SEC14L5: variants seen among roughly 807,000 people sequenced by gnomAD.
The protein encoded by SEC14L5 is SEC14 like lipid binding 5.
Under a neutral mutation model 84.6 loss-of-function variants are expected in SEC14L5, and 96 were observed. The ratio of observed to expected loss-of-function variants is 1.13; its 90% CI spans 0.96 to 1.34. The LOEUF (loss-of-function observed/expected upper bound fraction) is 1.34. SEC14L5 is among the 40% of genes most tolerant of loss of function. The probability of loss-of-function intolerance (pLI) is 0.00; values close to 1 mark genes in which losing one functional copy is unlikely to be tolerated. For synonymous variants in SEC14L5, 546 were observed against 383.4 expected, an observed-to-expected ratio of 1.42 and a Z score of -4.95; for missense variants, 1,224 against 942.5, an observed-to-expected ratio of 1.30 and a Z score of -3.91.
chr16:5,007,605 T>TA, intron 13 of SEC14L5, 119 bp downstream of exon 13: 12 of 807,534 alleles, frequency 1.5e-5, no homozygotes, highest in Non-Finnish European at 2.2e-5. Context: ...TTTCTTTCTT[T>TA]CTTTTTTTTT....
intron 6 of SEC14L5, among the ~76,000 whole-genome samples, chr16:4,992,279 C>A (rs1955561471): frequency 6.6e-6 from 1 of 152,182 alleles, no homozygotes; most frequent in South Asian, 2.1e-4. Context: ...GAGACGGAGT[C>A]CCCCTATGTC....
chr16:4,984,010 T>G (rs1054267179), intron 2 of SEC14L5, among the ~76,000 whole-genome samples: 4 of 152,152 alleles, frequency 2.6e-5, no homozygotes, highest in African/African-American at 9.7e-5. Flanking sequence ...AAGAAACAGT[T>G]TTATTGAGAT....
At chr16:5,004,920 C>G (rs761193085) in intron 11 of SEC14L5, among the ~76,000 whole-genome samples, 1 of 152,232 alleles carries the variant, frequency 6.6e-6, no homozygotes, top group Non-Finnish European at 1.5e-5. Context: ...GAAGGAAGCA[C>G]TGATCCTCCA....
chr16:4,983,258 C>T (rs1213239882), intron 2 of SEC14L5, among the ~76,000 whole-genome samples: 1 of 151,946 alleles, frequency 6.6e-6, no homozygotes, highest in African/African-American at 2.4e-5. Context: ...AAATGATCTG[C>T]CTGCCTTGGC....
At chr16:4,970,811 C>A (rs372131297) in intron 2 of SEC14L5, among the ~76,000 whole-genome samples, 1 of 152,180 alleles carries the variant, frequency 6.6e-6, no homozygotes, top group Non-Finnish European at 1.5e-5. Context: ...AAGTAGGAAC[C>A]AGTAAGAACT....
intron 4 of SEC14L5, among the ~76,000 whole-genome samples, chr16:4,989,298 G>GT (rs35333505): frequency 0.11 from 14,950 of 141,822 alleles, 1,009 homozygotes; most frequent in Middle Eastern, 0.17. Context: ...CATTGTACGT[G>GT]TTTTTTTTTT....
Position 4,958,377 on chromosome 16 carries a change from TG to T in SEC14L5, c.-119del, listed in dbSNP as rs1955076614. ...TCCCGCCCCTCCGGCCTTCCACAGCTGTCCTGGCCGCAGGGTGTTCAAGGCG... is the reference window on the plus strand; with the variant it reads ...TCCCGCCCCTCCGGCCTTCCACAGCTTCCTGGCCGCAGGGTGTTCAAGGCG... On this transcript the variant is annotated 5_prime_UTR_variant, in exon 1 of 16. Transcript: ENST00000251170. 1 of 152,648 alleles carries T rather than the reference TG, an allele frequency of 6.6e-6. No homozygotes were observed. The highest frequency in any genetic ancestry group is 2.1e-4 in the South Asian group (1 of 4,838). 9.5% of individuals were successfully genotyped at this position (152,648 alleles called of 1,614,324 possible).
Position 4,991,934 on chromosome 16 carries a change from GC to G in SEC14L5, c.574del (p.Arg192AlafsTer55). The G allele has an allele frequency of 6.2e-7, 1 of 1,604,072 alleles. No homozygotes were observed. ...GCCTGCCCCAGTCCGTGAGGAGGATGCCCGCAACCAGGCTGGACCGAGGGAC... is the reference window on the plus strand; with the variant it reads ...GCCTGCCCCAGTCCGTGAGGAGGATGCCGCAACCAGGCTGGACCGAGGGAC... ...WTPAPVREED[A>X]RNQAGPRDPS... On this transcript the variant is annotated frameshift_variant, in exon 6 of 16. Coordinates refer to ENST00000251170, the MANE Select transcript of SEC14L5 (RefSeq NM_014692.2). LOFTEE classifies it high-confidence loss of function.
chr16:4,996,993 C>A lies in SEC14L5; in HGVS notation c.919C>A (p.Pro307Thr), dbSNP rs199521340. The A allele has an allele frequency of 9.7e-5, 157 of 1,613,380 alleles. No homozygotes were observed. The highest frequency in any genetic ancestry group is 3.1e-4 in the East Asian group (14 of 44,856). Residue 307 changes from proline (P) to threonine (T), a missense_variant, in exon 8 of 16, where the codon CCT (proline) becomes ACT (threonine). Pro to Thr is a conservative substitution (Grantham distance 38). Coordinates refer to ENST00000251170, the MANE Select transcript of SEC14L5 (RefSeq NM_014692.2). ...TCTCCTCCTTCAGACCTGGCAACCC[C>A]CTGCCCTGCTGGAGGAGTTCTATGC... ...VDLLLQTWQP[P>T]ALLEEFYAGG...
In SEC14L5 at chr16:4,996,412, C is replaced by T; in HGVS notation, c.732C>T (p.Ser244=). 1.9e-6 allele frequency: 3 copies of T among 1,574,390 alleles called. No individual in the cohort carries two copies. The highest frequency in any genetic ancestry group is 2.6e-6 in the Non-Finnish European group (3 of 1,160,820). ...CLGHLTPMQE[S]CLIQLRHWLQ... Reference sequence around the variant, plus strand: ...GCCACCTCACGCCCATGCAGGAGAGCTGCCTGATCCAGCTTCGGCACTGGT... The same window carrying T: ...GCCACCTCACGCCCATGCAGGAGAGTTGCCTGATCCAGCTTCGGCACTGGT... Residue 244 remains serine, a synonymous_variant, in exon 7 of 16, where the codon AGC becomes AGT. Coordinates refer to ENST00000251170, the MANE Select transcript of SEC14L5 (RefSeq NM_014692.2).
rs767169834 is a variant in SEC14L5, at chr16:4,990,749, C to T, written c.346-18C>T. The T allele has an allele frequency of 9.4e-6, 15 of 1,599,490 alleles. No homozygotes were observed. In the Admixed American group the frequency reaches 2.2e-4, roughly 24 times the overall value. ...CCCCGACATTGAGTCCCTGGCATGA[C>T]CCCTGCCTGGCTTTCAGGTCCACCC... On this transcript the variant is annotated intron_variant, in intron 4 of 15. Coordinates refer to ENST00000251170, the MANE Select transcript of SEC14L5 (RefSeq NM_014692.2).
At chr16:4,976,730 C>A (rs1334447250) in intron 2 of SEC14L5, among the ~76,000 whole-genome samples, 2 of 152,216 alleles carry the variant, frequency 1.3e-5, no homozygotes, top group African/African-American at 4.8e-5. Context: ...GGGCTTTGGA[C>A]CATCTCCTTT....
intron 13 of SEC14L5, among the ~76,000 whole-genome samples, chr16:5,008,065 G>T (rs182121877): frequency 6.6e-6 from 1 of 151,844 alleles, no homozygotes; most frequent in Non-Finnish European, 1.5e-5. Context: ...CAGCCAGCAT[G>T]CCTGGCTATT....
chr16:4,968,421 C>T (rs796456954), intron 2 of SEC14L5, among the ~76,000 whole-genome samples: 4 of 152,182 alleles, frequency 2.6e-5, no homozygotes, highest in African/African-American at 7.2e-5. Context: ...TCAGGTGATC[C>T]GCCTGCCCTG....
In SEC14L5 at chr16:4,982,209, C is replaced by T. The variant is rs1025489487; in HGVS notation, c.64-5348C>T. On this transcript the variant is annotated intron_variant, in intron 2 of 15. Coordinates refer to ENST00000251170, the MANE Select transcript of SEC14L5 (RefSeq NM_014692.2). Reference sequence around the variant, plus strand: ...GGGCATGTATCCATTTCTTCCTCGGCCCCCCCCTCCCCCCGCCTCTCTTCC... The same window carrying T: ...GGGCATGTATCCATTTCTTCCTCGGTCCCCCCCTCCCCCCGCCTCTCTTCC... Among the ~76,000 whole-genome samples the T allele has an allele frequency of 1.3e-4, 19 of 151,196 alleles. 1 individual carries two copies. The highest frequency in any genetic ancestry group is 1.8e-4 in the Non-Finnish European group (12 of 67,664).
chr16:4,997,716 C>T (rs912827855), intron 8 of SEC14L5, among the ~76,000 whole-genome samples: 2 of 152,180 alleles, frequency 1.3e-5, no homozygotes, highest in African/African-American at 4.8e-5. Flanking sequence ...GGCCAGAAGT[C>T]TGGAGTCAAG....
At chr16:4,975,472 C>CAAAAA (rs55786860) in intron 2 of SEC14L5, among the ~76,000 whole-genome samples, 7 of 77,294 alleles carry the variant, frequency 9.1e-5, no homozygotes, top group African/African-American at 2.8e-4. Context: ...AACTCCATCT[C>CAAAAA]AAAAAAAAAA....
intron 14 of SEC14L5, 106 bp from the exon 15 acceptor site, chr16:5,010,989 G>A (rs1955792895): frequency 3.6e-6 from 4 of 1,095,918 alleles, no homozygotes; most frequent in South Asian, 3.1e-5. Flanking sequence ...AGAGGGAGAA[G>A]AGCCCCAATT....
chr16:4,967,833 C>T (rs922524143), intron 2 of SEC14L5, among the ~76,000 whole-genome samples: 1 of 151,054 alleles, frequency 6.6e-6, no homozygotes, highest in Non-Finnish European at 1.5e-5. Context: ...ACTTGAACTC[C>T]TGACCTCAGG....
Sources: gnomAD v4.1 joint callset for allele counts (sites outside exome capture counted in the v4.1 genomes callset) on GRCh38, gnomAD v4.1.1 for gene constraint, MANE v1.5 for transcripts, NCBI Gene and HGNC (gene_info 2026-07-23, HGNC 2026-07-21) for gene names.